The following CRISP2 variants were observed in gnomAD, a reference collection of about 807,000 sequenced individuals.
CRISP2 encodes cysteine rich secretory protein 2, also known as cysteine-rich secretory protein 2.
CRISP2 carries 29 observed loss-of-function variants against 31.7 expected under a neutral mutation model. The ratio of observed to expected loss-of-function variants is 0.92; its 90% confidence interval spans 0.68 to 1.25. CRISP2 has a LOEUF of 1.25. CRISP2 is among the 50% of genes most tolerant of loss of function. The probability of loss-of-function intolerance (pLI) is 0.00; values close to 1 mark genes in which losing one functional copy is unlikely to be tolerated. For missense variants in CRISP2, 318 were observed against 286.5 expected, an observed-to-expected ratio of 1.11 and a Z score of -0.79; for synonymous variants, 111 against 101.4, an observed-to-expected ratio of 1.09 and a Z score of -0.57.
At chr6:49,694,127 G>A (rs1446688080) in intron 9 of CRISP2, among the ~76,000 whole-genome samples, 1 of 152,152 alleles carries the variant, frequency 6.6e-6, no homozygotes, top group Admixed American at 6.5e-5. Context: ...TCCTAAGATG[G>A]CAGTTATTTC....
chr6:49,708,036 A>G (rs1000726978), intron 4 of CRISP2, among the ~76,000 whole-genome samples: 1 of 152,122 alleles, frequency 6.6e-6, no homozygotes, highest in African/African-American at 2.4e-5. Context: ...TATAAATCTA[A>G]TTATTCTTAT....
At chr6:49,677,163 T>A in the CRISP2 span, among the ~76,000 whole-genome samples, 1 of 152,140 alleles carries the variant, frequency 6.6e-6, no homozygotes, top group Non-Finnish European at 1.5e-5. Flanking sequence ...GTAGTGGTAA[T>A]CATGCAAGAG....
intron 4 of CRISP2, among the ~76,000 whole-genome samples, chr6:49,701,738 ACACGG>A: frequency 3.1e-5 from 3 of 95,962 alleles, no homozygotes; most frequent in African/African-American, 1.2e-4. Flanking sequence ...ATGTATATAT[ACACGG>A]TATATATATA....
At chr6:49,702,480 T>A (rs979049748) in intron 4 of CRISP2, among the ~76,000 whole-genome samples, 6 of 151,890 alleles carry the variant, frequency 4.0e-5, no homozygotes, top group Admixed American at 1.3e-4. Flanking sequence ...ATTATTTTTT[T>A]AATTAAATTA....
At chr6:49,685,558 C>A in the CRISP2 span, among the ~76,000 whole-genome samples, 2 of 152,252 alleles carry the variant, frequency 1.3e-5, no homozygotes, top group East Asian at 1.9e-4. Context: ...TAGTGAGAAA[C>A]CTGGTTCTCA....
chr6:49,684,390 T>C, the CRISP2 span, among the ~76,000 whole-genome samples: 2 of 152,204 alleles, frequency 1.3e-5, no homozygotes, highest in African/African-American at 4.8e-5. Flanking sequence ...GCATGTTCAA[T>C]ACATATGCAA....
Position 49,695,852 on chromosome 6 carries a change from A to G in CRISP2, c.588T>C (p.Cys196=). 6.2e-7 allele frequency: 1 copy of G among 1,612,256 alleles called. No homozygotes were observed. ...GTPCAGCPDD[C]DKGLCTNSCQ... Reference sequence around the variant, plus strand: ...CAAACTTACTGCATAGTCCTTTGTCACAGTCATCAGGGCAACCGGCACAAG... The same window carrying G: ...CAAACTTACTGCATAGTCCTTTGTCGCAGTCATCAGGGCAACCGGCACAAG... The change falls in exon 9 of 10, where the codon TGT becomes TGC. Residue 196 remains cysteine, a synonymous_variant. Coordinates refer to ENST00000339139, the MANE Select transcript of CRISP2 (RefSeq NM_003296.4).
intron 4 of CRISP2, 50 bp from the exon 5 acceptor site, chr6:49,700,834 A>G (rs1419776655): frequency 1.7e-6 from 2 of 1,168,384 alleles, no homozygotes; most frequent in African/African-American, 1.6e-5. Context: ...TGTAAATTTC[A>G]TATAATAGTG....
At chr6:49,708,243 T>C (rs1767406950) in intron 4 of CRISP2, among the ~76,000 whole-genome samples, 1 of 152,136 alleles carries the variant, frequency 6.6e-6, no homozygotes. Context: ...AGAAAAATAA[T>C]TTAAACATGA....
chr6:49,679,563 G>A, the CRISP2 span, among the ~76,000 whole-genome samples: 1 of 152,094 alleles, frequency 6.6e-6, no homozygotes, highest in South Asian at 2.1e-4. Context: ...CCTAATGACT[G>A]CACTGGAGTC....
In CRISP2 at chr6:49,713,477, T is replaced by A. The variant is rs1009153279; in HGVS notation, c.-153A>T. On this transcript the variant is annotated splice_region_variant and 5_prime_UTR_variant, in exon 1 of 10. Coordinates refer to ENST00000339139, the MANE Select transcript of CRISP2 (RefSeq NM_003296.4). ...CTAGTCTCCAATCCGGGTCTTACAT[T>A]TACCCTGGCTCCAGAGCACAGACCT... The A allele has an allele frequency of 2.0e-5, 3 of 152,234 alleles. No individual in the cohort carries two copies. The highest frequency in any genetic ancestry group is 4.4e-5 in the Non-Finnish European group (3 of 68,102). 9.4% of individuals were successfully genotyped at this position (152,234 alleles called of 1,614,324 possible).
chr6:49,700,871 T>C, intron 4 of CRISP2, 87 bp from the exon 5 acceptor site: 3 of 863,876 alleles, frequency 3.5e-6, no homozygotes, highest in Admixed American at 4.2e-5. Context: ...AGAACAAAGG[T>C]CACTTTAAAA....
the CRISP2 span, among the ~76,000 whole-genome samples, chr6:49,679,110 T>G: frequency 4.3e-3 from 656 of 152,298 alleles, 1 homozygote; most frequent in Non-Finnish European, 6.7e-3. Flanking sequence ...CATTTTCCTA[T>G]AAAGGCAATT....
intron 4 of CRISP2, among the ~76,000 whole-genome samples, chr6:49,701,745 A>G (rs1304748354): frequency 3.0e-5 from 3 of 98,540 alleles, no homozygotes; most frequent in African/African-American, 8.2e-5. Flanking sequence ...TATACACGGT[A>G]TATATATAAT....
At chr6:49,682,003 T>G in the CRISP2 span, among the ~76,000 whole-genome samples, 1 of 152,170 alleles carries the variant, frequency 6.6e-6, no homozygotes, top group African/African-American at 2.4e-5. Flanking sequence ...AGATCATTCT[T>G]TTTCTCCTTC....
intron 4 of CRISP2, among the ~76,000 whole-genome samples, chr6:49,708,808 A>C (rs1435137503): frequency 6.6e-6 from 1 of 152,250 alleles, no homozygotes; most frequent in Non-Finnish European, 1.5e-5. Flanking sequence ...GCAATATTAA[A>C]AAAATGAGAT....
downstream of CRISP2, among the ~76,000 whole-genome samples, chr6:49,687,575 C>G (rs993383403): frequency 6.6e-6 from 1 of 152,110 alleles, no homozygotes; most frequent in Non-Finnish European, 1.5e-5. Context: ...GGGCAAATGA[C>G]CACACAGTAC....
At chr6:49,708,088 A>G (rs77561318) in intron 4 of CRISP2, among the ~76,000 whole-genome samples, 5,069 of 152,188 alleles carry the variant, frequency 0.033, 299 homozygotes, top group African/African-American at 0.12. Context: ...TAGTGGAGAA[A>G]TTGTGCTAAT....
At chr6:49,709,255 C>T (rs1767586914) in intron 3 of CRISP2, 50 bp from the exon 4 acceptor site, 1 of 1,519,310 alleles carries the variant, frequency 6.6e-7, no homozygotes, top group Non-Finnish European at 9.1e-7. Context: ...GTTTAAAAAA[C>T]TTCTAAGAGG....
Sources: gnomAD v4.1 joint callset for allele counts (sites outside exome capture counted in the v4.1 genomes callset) on GRCh38, gnomAD v4.1.1 for gene constraint, MANE v1.5 for transcripts, NCBI Gene and HGNC (gene_info 2026-07-23, HGNC 2026-07-21) for gene names.